GMPS: variants seen among roughly 807,000 people sequenced by gnomAD.
The protein encoded by GMPS is GMP synthase [glutamine-hydrolyzing].
GMPS carries 15 observed loss-of-function variants against 77.9 expected under a neutral mutation model. The observed-to-expected ratio is 0.19, with a 90% CI of 0.13 to 0.30. The LOEUF (loss-of-function observed/expected upper bound fraction) is 0.30. GMPS is among the 10% of genes least tolerant of loss of function. The probability of loss-of-function intolerance (pLI) is 1.00; values close to 1 mark genes in which losing one functional copy is unlikely to be tolerated. For synonymous variants in GMPS, 224 were observed against 275.9 expected, an observed-to-expected ratio of 0.81 and a Z score of 1.86; for missense variants, 590 against 838.8, an observed-to-expected ratio of 0.70 and a Z score of 3.66.
chr3:155,874,115 CT>C (rs1753972209), intron 1 of GMPS, among the ~76,000 whole-genome samples: 1 of 152,176 alleles, frequency 6.6e-6, no homozygotes, highest in Non-Finnish European at 1.5e-5. Context: ...AGGTGATCAG[CT>C]TTTCTTTAAA....
In GMPS at chr3:155,892,380, CA is replaced by C. The variant is rs894885389; in HGVS notation, c.28-1130del. On this transcript the variant is annotated intron_variant, in intron 1 of 15. Transcript: ENST00000496455. ...ATATACAAACAAACAAAAAAGCAAA[CA>C]AAAAAAACCCCCAGGATAGAAACCA... Among the ~76,000 whole-genome samples, 6 of 151,470 alleles carry C rather than the reference CA, an allele frequency of 4.0e-5. No homozygotes were observed. The East Asian group carries it at 5.8e-4, about 15-fold the overall frequency.
chr3:155,888,208 C>CTT (rs34327298), intron 1 of GMPS, among the ~76,000 whole-genome samples: 12 of 134,886 alleles, frequency 8.9e-5, no homozygotes, highest in Admixed American at 2.2e-4. Context: ...TACCCAAAGG[C>CTT]TTTTTTTTTT....
At position 155,881,612 on chromosome 3, in the gene GMPS, T is replaced by C. The variant is rs116378154; in HGVS notation, c.27+10715T>C. Among the ~76,000 whole-genome samples the C allele has an allele frequency of 7.3e-3, 1,119 of 152,336 alleles. 17 individuals are homozygous for C. The highest frequency in any genetic ancestry group is 0.026 in the African/African-American group (1,072 of 41,584). On this transcript the variant is annotated intron_variant, in intron 1 of 15. Coordinates refer to ENST00000496455, the MANE Select transcript of GMPS (RefSeq NM_003875.3). Reference sequence around the variant, plus strand: ...GTAATGGTAATTAACAATCACAAAATGTAAGTGGCATACAAACATAAGCAC... The same window carrying C: ...GTAATGGTAATTAACAATCACAAAACGTAAGTGGCATACAAACATAAGCAC...
At chr3:155,908,192 G>A (rs529803959) in intron 5 of GMPS, among the ~76,000 whole-genome samples, 1 of 152,232 alleles carries the variant, frequency 6.6e-6, no homozygotes, top group Non-Finnish European at 1.5e-5. Context: ...AGTAGTGATA[G>A]ATGCAGGAGG....
rs1463194514 is a variant in GMPS, at chr3:155,942,811, A to G, written c.*5119A>G. On this transcript the variant is annotated 3_prime_UTR_variant, in exon 16 of 16. Coordinates refer to ENST00000496455, the MANE Select transcript of GMPS (RefSeq NM_003875.3). ...GCTAGGTCATGAAACAGACTGAGCTATTATTGCATCAACACATAAATCCTG... is the reference window on the plus strand; with the variant it reads ...GCTAGGTCATGAAACAGACTGAGCTGTTATTGCATCAACACATAAATCCTG... The G allele has an allele frequency of 4.6e-6, 1 of 219,226 alleles. No homozygotes were observed. The highest frequency in any genetic ancestry group is 6.7e-5 in the East Asian group (1 of 14,854). 13.6% of individuals were successfully genotyped at this position (219,226 alleles called of 1,614,324 possible).
At position 155,893,731 on chromosome 3, in the gene GMPS, A is replaced by T. The variant is rs755297094; in HGVS notation, c.209+32A>T. 3.2e-6 allele frequency: 4 copies of T among 1,254,982 alleles called. No individual in the cohort carries two copies. In the South Asian group the frequency reaches 5.4e-5, roughly 17 times the overall value. The allele number at this position is 1,254,982 out of a possible 1,614,324, so 77.7% of individuals were successfully genotyped here. ...TTTTCACTAATCTTTTCATGAGGAG[A>T]TTGAACTTAGATTGTGGAATATTTT... is the stretch of plus-strand genomic sequence containing the variant. On this transcript the variant is annotated intron_variant, in intron 2 of 15. Transcript: ENST00000496455.
At chr3:155,879,240 T>G (rs1754147458) in intron 1 of GMPS, among the ~76,000 whole-genome samples, 1 of 151,624 alleles carries the variant, frequency 6.6e-6, no homozygotes, top group Non-Finnish European at 1.5e-5. Flanking sequence ...CATCACAATT[T>G]CTCCACATCC....
At chr3:155,935,887 A>G (rs986725919) in intron 14 of GMPS, among the ~76,000 whole-genome samples, 4 of 152,228 alleles carry the variant, frequency 2.6e-5, no homozygotes, top group African/African-American at 4.8e-5. Context: ...TAATGAATCT[A>G]TAATAAATAT....
intron 1 of GMPS, among the ~76,000 whole-genome samples, chr3:155,889,733 T>A (rs1398957023): frequency 1.3e-5 from 2 of 152,236 alleles, no homozygotes; most frequent in Non-Finnish European, 2.9e-5. Flanking sequence ...CTTACCCTAT[T>A]CTTAAAGAGT....
chr3:155,908,766 A>G (rs973225962), intron 5 of GMPS, among the ~76,000 whole-genome samples: 1 of 152,214 alleles, frequency 6.6e-6, no homozygotes, highest in Non-Finnish European at 1.5e-5. Flanking sequence ...TGCATATTAA[A>G]TTCAAGATGG....
chr3:155,878,694 T>G (rs6806109), intron 1 of GMPS, among the ~76,000 whole-genome samples: 123,407 of 151,850 alleles, frequency 0.81, 50,322 homozygotes, highest in African/African-American at 0.86. Context: ...GATATATATA[T>G]AGAGAGATAT....
chr3:155,915,788 A>G (rs747720219), intron 8 of GMPS, among the ~76,000 whole-genome samples: 2 of 150,518 alleles, frequency 1.3e-5, no homozygotes, highest in Non-Finnish European at 3.0e-5. Flanking sequence ...CACCCCACTC[A>G]GCCTCCCAAA....
Position 155,916,103 on chromosome 3 carries a change from G to C in GMPS, c.1123G>C (p.Glu375Gln). 6.2e-7 allele frequency: 1 copy of C among 1,612,996 alleles called. No individual in the cohort carries two copies. Among genetic ancestry groups the C allele is most frequent in the Non-Finnish European group, 8.5e-7 (1 of 1,179,030 alleles). The part of the protein sequence containing the change: ...AQGTLRPDLI[E>Q]SASLVASGKA... ...AGGTACTTTACGGCCTGATCTAATT[G>C]AAAGTGCATCCCTTGTTGCAAGTGG... Residue 375 changes from glutamate to glutamine, a missense_variant, in exon 9 of 16, where the codon GAA (glutamate) becomes CAA (glutamine). Coordinates refer to ENST00000496455, the MANE Select transcript of GMPS (RefSeq NM_003875.3).
chr3:155,878,642 C>T (rs1754119608), intron 1 of GMPS, among the ~76,000 whole-genome samples: 4 of 152,010 alleles, frequency 2.6e-5, no homozygotes. Context: ...TGTCAGGATT[C>T]TCCAGAAAAA....
At chr3:155,886,947 A>G (rs1754353684) in intron 1 of GMPS, among the ~76,000 whole-genome samples, 1 of 152,216 alleles carries the variant, frequency 6.6e-6, no homozygotes, top group East Asian at 1.9e-4. Flanking sequence ...ATGTGACTCA[A>G]TATGAATTAA....
Position 155,941,950 on chromosome 3 carries a change from A to T in GMPS, c.*4258A>T, listed in dbSNP as rs1372385310. On this transcript the variant is annotated 3_prime_UTR_variant, in exon 16 of 16. Transcript: ENST00000496455. ...TGTACTGAAGAGGCCTCAGTGTCTC[A>T]CTGAACTCTAACCTTTTTGTCAGTG... 4.8e-6 allele frequency: 1 copy of T among 210,362 alleles called. No homozygotes were observed. The highest frequency in any genetic ancestry group is 7.2e-5 in the East Asian group (1 of 13,932). The allele number at this position is 210,362 out of a possible 1,614,324, so 13.0% of individuals were successfully genotyped here. A position where few individuals can be genotyped will look rare whatever the true frequency, so the allele number is the denominator to read the frequency against.
chr3:155,875,173 C>T (rs1344163717), intron 1 of GMPS, among the ~76,000 whole-genome samples: 1 of 151,714 alleles, frequency 6.6e-6, no homozygotes, highest in Non-Finnish European at 1.5e-5. Context: ...TCACCTTGGC[C>T]TCCCAAAGTC....
intron 1 of GMPS, among the ~76,000 whole-genome samples, chr3:155,878,758 G>T (rs1434593960): frequency 1.3e-5 from 2 of 152,216 alleles, no homozygotes; most frequent in Non-Finnish European, 2.9e-5. Flanking sequence ...AGGCTGAGAA[G>T]TCCCACGATA....
chr3:155,890,506 A>G (rs1004436257), intron 1 of GMPS, among the ~76,000 whole-genome samples: 1 of 152,224 alleles, frequency 6.6e-6, no homozygotes, highest in East Asian at 1.9e-4. Context: ...TTACTACAGT[A>G]TAATTTAAAA....
Sources: allele counts gnomAD v4.1 joint callset (sites outside exome capture counted in the v4.1 genomes callset), GRCh38; gene constraint gnomAD v4.1.1; transcripts MANE v1.5; gene names NCBI Gene and HGNC (gene_info 2026-07-23, HGNC 2026-07-21).